LRFN2: variants seen among roughly 807,000 people sequenced by gnomAD.
LRFN2 encodes the protein leucine-rich repeat and fibronectin type-III domain-containing protein 2.
LRFN2 carries 18 observed loss-of-function variants against 37.3 expected under a neutral mutation model. That is an observed-to-expected ratio of 0.48 (90% CI 0.33 to 0.72). LRFN2 has a LOEUF of 0.72. Ranked by LOEUF, LRFN2 falls within the 30% of genes least tolerant of loss-of-function variation. LRFN2 has a pLI of 0.02. For missense variants in LRFN2, 1,006 were observed against 1,060.7 expected (o/e 0.95, Z 0.72); for synonymous variants, 556 against 466.6 (o/e 1.19, Z -2.47).
chr6:40,493,323 T>C (rs978977740), intron 1 of LRFN2, among the ~76,000 whole-genome samples: 1 of 152,196 alleles, frequency 6.6e-6, no homozygotes, highest in Non-Finnish European at 1.5e-5. Context: ...ACTTGAACCC[T>C]GACTCATTTG....
chr6:40,507,490 G>A (rs185682890), intron 1 of LRFN2, among the ~76,000 whole-genome samples: 72 of 152,338 alleles, frequency 4.7e-4, no homozygotes, highest in Admixed American at 1.1e-3. Context: ...GACATAGATC[G>A]TATAAGTGGG....
intron 2 of LRFN2, among the ~76,000 whole-genome samples, chr6:40,404,421 C>G (rs1202706210): frequency 1.3e-5 from 2 of 152,174 alleles, no homozygotes; most frequent in Non-Finnish European, 2.9e-5. Flanking sequence ...CTACACTGCA[C>G]TGCCCAATAT....
chr6:40,429,413 A>G (rs1275973972), intron 2 of LRFN2, among the ~76,000 whole-genome samples: 1 of 152,188 alleles, frequency 6.6e-6, no homozygotes, highest in African/African-American at 2.4e-5. Context: ...TTTTGCCTTT[A>G]CACTTTTTAT....
At chr6:40,402,110 T>TG (rs1372634093) in intron 2 of LRFN2, among the ~76,000 whole-genome samples, 1 of 152,188 alleles carries the variant, frequency 6.6e-6, no homozygotes, top group Non-Finnish European at 1.5e-5. Context: ...CTTTCATGCA[T>TG]GAGCTGCAAG....
At chr6:40,576,386 G>C (rs1229246016) in intron 1 of LRFN2, among the ~76,000 whole-genome samples, 3 of 152,138 alleles carry the variant, frequency 2.0e-5, no homozygotes, top group Non-Finnish European at 4.4e-5. Flanking sequence ...AGAGAGTGAG[G>C]GCTGAACTGA....
intron 1 of LRFN2, among the ~76,000 whole-genome samples, chr6:40,438,298 T>G (rs1220669263): frequency 6.6e-6 from 1 of 152,178 alleles, no homozygotes; most frequent in Non-Finnish European, 1.5e-5. Context: ...ACTGGGTTTC[T>G]TCATGTAGTC....
In LRFN2 at chr6:40,391,840, C is replaced by G; in HGVS notation, c.*103G>C. 7.8e-7 allele frequency: 1 copy of G among 1,276,898 alleles called. No homozygotes were observed. Among genetic ancestry groups the G allele is most frequent in the Non-Finnish European group, 1.1e-6 (1 of 946,848 alleles). The allele number at this position is 1,276,898 out of a possible 1,614,324, so 79.1% of individuals were successfully genotyped here. ...CATTGACAGGGAGACGAAACTGTCCCTGGATGTAAACATCACCATGGAAAC... is the reference window on the plus strand; with the variant it reads ...CATTGACAGGGAGACGAAACTGTCCGTGGATGTAAACATCACCATGGAAAC... On this transcript the variant is annotated 3_prime_UTR_variant, in exon 3 of 3. Coordinates refer to ENST00000338305, the MANE Select transcript of LRFN2 (RefSeq NM_020737.3).
In LRFN2 at chr6:40,583,211, C is replaced by CATATATAGTATATAT. The variant is rs1193591972; in HGVS notation, c.-19+3729_-19+3730insATATATACTATATAT. Among the ~76,000 whole-genome samples the CATATATAGTATATAT allele has an allele frequency of 9.1e-3, 1,322 of 144,582 alleles. 31 individuals carry two copies. Among genetic ancestry groups the CATATATAGTATATAT allele is most frequent in the African/African-American group, 0.033 (1,229 of 37,630 alleles). The allele number at this position is 144,582 out of a possible 152,430, so 94.9% of individuals were successfully genotyped here. Reference sequence around the variant, plus strand: ...TAGTGTATATATAGACATATATATACACTATATACATATATAGTATATATA... The same window carrying CATATATAGTATATAT: ...TAGTGTATATATAGACATATATATACATATATAGTATATATACTATATACATATATAGTATATATA... On this transcript the variant is annotated intron_variant, in intron 1 of 2. Coordinates refer to ENST00000338305, the MANE Select transcript of LRFN2 (RefSeq NM_020737.3).
At chr6:40,452,582 G>T (rs1195447434) in intron 1 of LRFN2, among the ~76,000 whole-genome samples, 3 of 152,204 alleles carry the variant, frequency 2.0e-5, no homozygotes, top group Non-Finnish European at 4.4e-5. Context: ...CACCCTGGAA[G>T]CCAGAACAAC....
At chr6:40,510,548 C>T (rs141705156) in intron 1 of LRFN2, among the ~76,000 whole-genome samples, 5 of 152,210 alleles carry the variant, frequency 3.3e-5, no homozygotes, top group Non-Finnish European at 7.3e-5. Context: ...ATTTGTTGAG[C>T]TCCTACATGA....
At position 40,432,413 on chromosome 6, in the gene LRFN2, G is replaced by C; in HGVS notation, c.701C>G (p.Pro234Arg). ...GTTACCCCCAAAACTAAAGGACAAG[G>C]GTGGGGCAAAGGGTGTGGCTGTCAA... ...SALTATPFAPPLSFSFGGNPL... is the reference protein window; with the variant it reads ...SALTATPFAPRLSFSFGGNPL... The change falls in exon 2 of 3, where the codon CCC (proline) becomes CGC (arginine). Residue 234 changes from proline to arginine, a missense_variant. This residue lies in a region of LRFN2 where 303 missense variants were observed against 299.8 expected (regional missense o/e 1.01). Transcript: ENST00000338305. The C allele has an allele frequency of 6.2e-7, 1 of 1,614,194 alleles. No homozygotes were observed. Among genetic ancestry groups the C allele is most frequent in the Non-Finnish European group, 8.5e-7 (1 of 1,180,058 alleles).
At chr6:40,451,143 G>A (rs1764094944) in intron 1 of LRFN2, among the ~76,000 whole-genome samples, 1 of 152,078 alleles carries the variant, frequency 6.6e-6, no homozygotes, top group South Asian at 2.1e-4. Context: ...ATCCATGGGG[G>A]GATTTCTTTG....
intron 1 of LRFN2, among the ~76,000 whole-genome samples, chr6:40,583,834 T>C (rs1026573518): frequency 2.0e-5 from 3 of 152,080 alleles, no homozygotes; most frequent in South Asian, 2.1e-4. Flanking sequence ...GAGGTCACCC[T>C]TGGGGGAGTG....
At chr6:40,477,904 C>G (rs886242961) in intron 1 of LRFN2, among the ~76,000 whole-genome samples, 1 of 152,208 alleles carries the variant, frequency 6.6e-6, no homozygotes, top group Admixed American at 6.5e-5. Flanking sequence ...ATTTATCAGA[C>G]AATGCCACAA....
At chr6:40,460,991 T>C (rs914271688) in intron 1 of LRFN2, among the ~76,000 whole-genome samples, 1 of 152,196 alleles carries the variant, frequency 6.6e-6, no homozygotes, top group Admixed American at 6.5e-5. Flanking sequence ...TTATTTTCCA[T>C]CATTGTAATG....
chr6:40,413,081 G>GTGCA (rs1763008857), intron 2 of LRFN2, among the ~76,000 whole-genome samples: 1 of 152,092 alleles, frequency 6.6e-6, no homozygotes, highest in African/African-American at 2.4e-5. Context: ...CTCCATCTCT[G>GTGCA]TGCACACTGA....
chr6:40,568,607 T>C (rs1767132083), intron 1 of LRFN2, among the ~76,000 whole-genome samples: 1 of 152,224 alleles, frequency 6.6e-6, no homozygotes, highest in African/African-American at 2.4e-5. Flanking sequence ...TAAAGCCTAC[T>C]GTATCCTCTG....
intron 1 of LRFN2, among the ~76,000 whole-genome samples, chr6:40,583,394 G>C (rs1309990950): frequency 6.6e-6 from 1 of 152,014 alleles, no homozygotes; most frequent in Non-Finnish European, 1.5e-5. Context: ...CCCTGTTTCT[G>C]CAGGTTCTTA....
At chr6:40,430,889 G>C (rs916905630) in intron 2 of LRFN2, among the ~76,000 whole-genome samples, 1 of 152,156 alleles carries the variant, frequency 6.6e-6, no homozygotes, top group Non-Finnish European at 1.5e-5. Flanking sequence ...AGGGCTCTAA[G>C]TAGGCTCTAG....
Sources: gnomAD v4.1 joint callset for allele counts (sites outside exome capture counted in the v4.1 genomes callset) on GRCh38, gnomAD v4.1.1 for gene constraint, gnomAD v4.1.1 regional missense constraint, MANE v1.5 for transcripts, NCBI Gene and HGNC (gene_info 2026-07-23, HGNC 2026-07-21) for gene names.